Variants in SEMA3A observed in about 807,000 individuals in gnomAD.
The protein encoded by SEMA3A is semaphorin-3A.
Under a neutral mutation model 97.9 loss-of-function variants are expected in SEMA3A, and 29 were observed. That is an observed-to-expected ratio of 0.30 (90% CI 0.22 to 0.40). The LOEUF is 0.40. Among genes scored for constraint, SEMA3A ranks in the 10% least tolerant of loss-of-function variants. SEMA3A has a pLI of 1.00. For missense variants in SEMA3A, 763 were observed against 951.3 expected (o/e 0.80, Z 2.60); for synonymous variants, 321 against 323.7 (o/e 0.99, Z 0.09).
chr7:84,140,315 T>C (rs548323981), intron 1 of SEMA3A, among the ~76,000 whole-genome samples: 2 of 152,252 alleles, frequency 1.3e-5, no homozygotes, highest in East Asian at 3.9e-4. Flanking sequence ...TTAATACAGA[T>C]TTCTGGTTTG....
intron 1 of SEMA3A, chr7:84,372,385 A>G (rs1387274798): frequency 6.6e-6 from 1 of 152,056 alleles, no homozygotes; most frequent in African/African-American, 2.4e-5. Flanking sequence ...TTTTCTTACA[A>G]TTATCCTCAA....
rs150800234 is a variant in SEMA3A at position 84,442,799 on chromosome 7, T to G, written c.-246+49661A>C. Among the ~76,000 whole-genome samples the G allele has an allele frequency of 8.5e-5, 13 of 152,172 alleles. No homozygotes were observed. In the East Asian group the frequency reaches 2.5e-3, roughly 29 times the overall value. ...ATAAAAGGATATTCCTTGAAAATAC[T>G]AATAAAAAGTCAGCAGTAGTTGGAT... is the stretch of plus-strand genomic sequence containing the variant. On this transcript the variant is annotated intron_variant, in intron 1 of 3. Coordinates refer to the SEMA3A transcript ENST00000424555.
intron 3 of SEMA3A, among the ~76,000 whole-genome samples, chr7:84,246,179 G>T (rs1174857736): frequency 6.6e-6 from 1 of 152,154 alleles, no homozygotes; most frequent in Non-Finnish European, 1.5e-5. Flanking sequence ...GAAATCACCC[G>T]CCTTCTGTGT....
intron 3 of SEMA3A, among the ~76,000 whole-genome samples, chr7:84,210,052 A>G (rs1430904739): frequency 6.6e-6 from 1 of 152,206 alleles, no homozygotes; most frequent in Non-Finnish European, 1.5e-5. Flanking sequence ...CGAGATATTC[A>G]CATAGCGAAA....
intron 3 of SEMA3A, among the ~76,000 whole-genome samples, chr7:84,217,669 T>A (rs765908764): frequency 6.6e-6 from 1 of 152,014 alleles, no homozygotes; most frequent in Non-Finnish European, 1.5e-5. Flanking sequence ...TTCTCAGATC[T>A]CTTGAGGCAA....
At chr7:84,329,615 T>C (rs1490165572) in intron 2 of SEMA3A, among the ~76,000 whole-genome samples, 1 of 152,036 alleles carries the variant, frequency 6.6e-6, no homozygotes, top group Non-Finnish European at 1.5e-5. Flanking sequence ...GAAGAAAGAC[T>C]GAACAATTAG....
chr7:84,012,336 C>T lies in SEMA3A; in HGVS notation c.811-1039G>A, dbSNP rs568955581. On this transcript the variant is annotated intron_variant, in intron 7 of 16. Transcript: ENST00000265362. ...TTGCACACAGTAAATATATACAATT[C>T]TTACTGTCTATTAAAATAAATGATT... 3.1e-3 allele frequency among the ~76,000 whole-genome samples: 473 copies of T among 152,214 alleles called. 2 individuals are homozygous for T. The highest frequency in any genetic ancestry group is 0.011 in the African/African-American group (438 of 41,536).
chr7:83,989,099 G>A (rs989295357), intron 12 of SEMA3A, among the ~76,000 whole-genome samples: 1 of 152,090 alleles, frequency 6.6e-6, no homozygotes, highest in Non-Finnish European at 1.5e-5. Context: ...ATGAAAAATA[G>A]TTATGTGGTT....
chr7:84,100,879 T>C (rs1255418300), intron 4 of SEMA3A, among the ~76,000 whole-genome samples: 5 of 152,220 alleles, frequency 3.3e-5, no homozygotes, highest in Admixed American at 2.6e-4. Flanking sequence ...CAGATATATC[T>C]AATAAAACCT....
intron 1 of SEMA3A, among the ~76,000 whole-genome samples, chr7:84,187,180 A>T (rs185487818): frequency 6.6e-6 from 1 of 152,336 alleles, no homozygotes; most frequent in Admixed American, 6.5e-5. Context: ...AAAAGTATGG[A>T]CAATGAAAAA....
At chr7:84,107,385 A>T (rs1224805730) in intron 4 of SEMA3A, among the ~76,000 whole-genome samples, 1 of 152,202 alleles carries the variant, frequency 6.6e-6, no homozygotes, top group Admixed American at 6.5e-5. Context: ...AATTTCATAG[A>T]TTGACTGTCT....
chr7:84,416,409 G>A (rs760034195), intron 1 of SEMA3A, among the ~76,000 whole-genome samples: 15 of 152,068 alleles, frequency 9.9e-5, no homozygotes, highest in Non-Finnish European at 2.2e-4. Flanking sequence ...TTTCTTCCTA[G>A]TCTCAGGTAT....
chr7:84,283,817 T>C (rs1800514879), intron 3 of SEMA3A, among the ~76,000 whole-genome samples: 1 of 152,192 alleles, frequency 6.6e-6, no homozygotes, highest in Non-Finnish European at 1.5e-5. Flanking sequence ...TAAATTCCAG[T>C]TACAAAGATT....
chr7:84,207,955 T>C (rs1440431665), intron 3 of SEMA3A, among the ~76,000 whole-genome samples: 1 of 152,196 alleles, frequency 6.6e-6, no homozygotes, highest in African/African-American at 2.4e-5. Flanking sequence ...CATTTTAGTC[T>C]TGTGTATTTT....
rs781108685 is a variant in SEMA3A, at chr7:84,020,035, C to CTTTTTT, written c.668-5690_668-5685dup. On this transcript the variant is annotated intron_variant, in intron 6 of 16. Coordinates refer to ENST00000265362, the MANE Select transcript of SEMA3A (RefSeq NM_006080.3). Reference sequence around the variant, plus strand: ...AATATTGTTAATGATTTTTTTCTTTCTTTTTTTTTTTTTTTTTTTTTTTTT... The same window carrying CTTTTTT: ...AATATTGTTAATGATTTTTTTCTTTCTTTTTTTTTTTTTTTTTTTTTTTTTTTTTTT... Among the ~76,000 whole-genome samples, 511 of 58,298 alleles carry CTTTTTT rather than the reference C, an allele frequency of 8.8e-3. 74 individuals are homozygous for CTTTTTT. The highest frequency in any genetic ancestry group is 0.026 in the Middle Eastern group (1 of 38). The allele number at this position is 58,298 out of a possible 152,430, so 38.2% of individuals were successfully genotyped here. A position where few individuals can be genotyped will look rare whatever the true frequency, so the allele number is the denominator to read the frequency against.
intron 2 of SEMA3A, among the ~76,000 whole-genome samples, chr7:84,351,068 C>G (rs1341263314): frequency 1.5e-5 from 1 of 68,132 alleles, no homozygotes; most frequent in Non-Finnish European, 2.7e-5. Context: ...CACATGCATA[C>G]ACACACACAC....
chr7:83,997,519 C>T (rs1790268780), intron 12 of SEMA3A, among the ~76,000 whole-genome samples: 1 of 152,072 alleles, frequency 6.6e-6, no homozygotes, highest in Non-Finnish European at 1.5e-5. Flanking sequence ...TTTCTCTAAA[C>T]TCTGCCCAAA....
At chr7:84,054,889 A>G (rs1378676183) in intron 5 of SEMA3A, among the ~76,000 whole-genome samples, 1 of 151,126 alleles carries the variant, frequency 6.6e-6, no homozygotes, top group African/African-American at 2.4e-5. Context: ...TTTGGTGTGG[A>G]TGTCCTTTCT....
chr7:84,349,411 A>G (rs1802382243), intron 2 of SEMA3A, among the ~76,000 whole-genome samples: 1 of 152,180 alleles, frequency 6.6e-6, no homozygotes, highest in African/African-American at 2.4e-5. Context: ...TCCTGCTCTC[A>G]TGGAGATTAA....
Sources: allele counts gnomAD v4.1 joint callset (sites outside exome capture counted in the v4.1 genomes callset), GRCh38; gene constraint gnomAD v4.1.1; transcripts MANE v1.5; gene names NCBI Gene and HGNC (gene_info 2026-07-23, HGNC 2026-07-21).